Variants in AGFG1 observed in about 807,000 individuals in gnomAD.
AGFG1 encodes the protein ArfGAP with FG repeats 1.
AGFG1 carries 10 observed loss-of-function variants against 60.6 expected under a neutral mutation model. The observed-to-expected ratio is 0.16, with a 90% CI of 0.10 to 0.28. The LOEUF (loss-of-function observed/expected upper bound fraction) is 0.28. Among genes scored for constraint, AGFG1 ranks in the 10% least tolerant of loss-of-function variants. AGFG1 has a pLI of 1.00. For synonymous variants in AGFG1, 247 were observed against 242.9 expected, an observed-to-expected ratio of 1.02 and a Z score of -0.16; for missense variants, 537 against 676.5, an observed-to-expected ratio of 0.79 and a Z score of 2.29.
chr2:227,528,493 C>T (rs767456817), intron 5 of AGFG1, among the ~76,000 whole-genome samples: 4 of 152,040 alleles, frequency 2.6e-5, no homozygotes, highest in Non-Finnish European at 5.9e-5. Context: ...TCACCTCTTG[C>T]GTTTGAGTGC....
intron 2 of AGFG1, among the ~76,000 whole-genome samples, chr2:227,518,943 C>T (rs986464781): frequency 7.2e-5 from 11 of 152,136 alleles, no homozygotes; most frequent in South Asian, 2.1e-4. Flanking sequence ...GAGGCTGAGG[C>T]GGGCAGATCG....
chr2:227,522,251 G>A (rs1257467279), intron 3 of AGFG1, among the ~76,000 whole-genome samples: 1 of 152,148 alleles, frequency 6.6e-6, no homozygotes, highest in Non-Finnish European at 1.5e-5. Context: ...TAGAAGGTGG[G>A]TTGATAGTAA....
chr2:227,553,936 C>G (rs570215060), intron 12 of AGFG1, 141 bp downstream of exon 12: 59 of 614,488 alleles, frequency 9.6e-5, no homozygotes, highest in Non-Finnish European at 1.4e-4. Flanking sequence ...CAAATTGACA[C>G]AGAGCCATTA....
In AGFG1 at chr2:227,553,693, A is replaced by G. The variant is rs191646829; in HGVS notation, c.1538-11A>G. ...GGTATGGGTTATAATTGGTGGTTCT[A>G]TTTTAACAAGGTGCAGGTTTTGCAG... is the stretch of plus-strand genomic sequence containing the variant. On this transcript the variant is annotated splice_polypyrimidine_tract_variant and intron_variant, in intron 11 of 12. Coordinates refer to ENST00000310078, the MANE Select transcript of AGFG1 (RefSeq NM_004504.5). 406 of 1,612,218 alleles carry G rather than the reference A, an allele frequency of 2.5e-4. No individual in the cohort carries two copies. The highest frequency in any genetic ancestry group is 3.3e-4 in the Middle Eastern group (2 of 6,056).
At position 227,482,171 on chromosome 2, in the gene AGFG1, A is replaced by G. The variant is rs373179871; in HGVS notation, c.168-9376A>G. 1.8e-4 allele frequency among the ~76,000 whole-genome samples: 28 copies of G among 152,192 alleles called. No homozygotes were observed. In the East Asian group the frequency reaches 2.5e-3, roughly 14 times the overall value. Reference sequence around the variant, plus strand: ...TGAGCCACCGCACCCAGCCTTGTCCACTACTTTTAACTAGAATGCCTTAAT... The same window carrying G: ...TGAGCCACCGCACCCAGCCTTGTCCGCTACTTTTAACTAGAATGCCTTAAT... On this transcript the variant is annotated intron_variant, in intron 1 of 12. Coordinates refer to ENST00000310078, the MANE Select transcript of AGFG1 (RefSeq NM_004504.5).
intron 2 of AGFG1, among the ~76,000 whole-genome samples, chr2:227,518,608 C>T (rs1402936646): frequency 1.3e-5 from 2 of 150,820 alleles, no homozygotes; most frequent in East Asian, 2.0e-4. Context: ...ACTGCAACCT[C>T]CCCTTCCTGG....
At chr2:227,507,621 A>AAAAAAAGCGCCTT (rs1691363200) in intron 2 of AGFG1, among the ~76,000 whole-genome samples, 1 of 150,204 alleles carries the variant, frequency 6.7e-6, no homozygotes, top group Non-Finnish European at 1.5e-5. Flanking sequence ...AAAAAAAAAA[A>AAAAAAAGCGCCTT]AAAAAGCGCC....
At chr2:227,521,362 C>T (rs950279092) in intron 3 of AGFG1, among the ~76,000 whole-genome samples, 4 of 152,070 alleles carry the variant, frequency 2.6e-5, no homozygotes, top group Non-Finnish European at 4.4e-5. Context: ...CCACTGTGCC[C>T]GGCCTAAAAT....
At chr2:227,530,506 A>C (rs1175563404) in intron 5 of AGFG1, among the ~76,000 whole-genome samples, 2 of 152,092 alleles carry the variant, frequency 1.3e-5, no homozygotes, top group Admixed American at 6.6e-5. Flanking sequence ...CTTAAATTTT[A>C]ATGAGTTTAA....
chr2:227,477,116 C>T (rs1690306934), intron 1 of AGFG1, among the ~76,000 whole-genome samples: 1 of 151,994 alleles, frequency 6.6e-6, no homozygotes, highest in African/African-American at 2.4e-5. Flanking sequence ...TGGCCAGGCT[C>T]GTCTTAAACT....
In AGFG1 at chr2:227,477,684, C is replaced by T. The variant is rs1042869267; in HGVS notation, c.167+5096C>T. On this transcript the variant is annotated intron_variant, in intron 1 of 12. Transcript: ENST00000310078. ...GCAGTGGTGCGATCTCACCTCACTG[C>T]AACCTCCACCTCCCAGGTTCAAGCG... 3.3e-5 allele frequency among the ~76,000 whole-genome samples: 5 copies of T among 152,138 alleles called. No homozygotes were observed. In the South Asian group the frequency reaches 1.0e-3, roughly 32 times the overall value.
At position 227,555,426 on chromosome 2, in the gene AGFG1, A is replaced by G. The variant is rs1224951485; in HGVS notation, c.*931A>G. ...TGTGTATTTACAAATTTTTCTAAGT[A>G]TCTTGAATTCTCAGACTGCAAAAGG... On this transcript the variant is annotated 3_prime_UTR_variant, in exon 13 of 13. Transcript: ENST00000310078. 1.3e-5 allele frequency: 2 copies of G among 152,588 alleles called. No homozygotes were observed. The highest frequency in any genetic ancestry group is 2.9e-5 in the Non-Finnish European group (2 of 68,008). 9.5% of individuals were successfully genotyped at this position (152,588 alleles called of 1,614,324 possible).
intron 8 of AGFG1, 61 bp from the exon 9 acceptor site, chr2:227,536,564 A>C (rs1276664871): frequency 1.4e-6 from 2 of 1,443,554 alleles, no homozygotes; most frequent in Non-Finnish European, 1.9e-6. Context: ...GCTACCCTGT[A>C]AATCGTTACT....
At chr2:227,485,522 C>T (rs755749777) in intron 1 of AGFG1, among the ~76,000 whole-genome samples, 4 of 151,890 alleles carry the variant, frequency 2.6e-5, no homozygotes, top group Admixed American at 6.6e-5. Flanking sequence ...AGGTGTGAGC[C>T]ACCGCACCCA....
Position 227,476,901 on chromosome 2 carries a change from CTCTTT to C in AGFG1, c.167+4315_167+4319del, listed in dbSNP as rs1218131737. On this transcript the variant is annotated intron_variant, in intron 1 of 12. Transcript: ENST00000310078. The stretch of plus-strand genomic sequence containing the variant: ...AAAATATTTTATACTTTCTCTCTCT[CTCTTT>C]TTTTTTTTTTTTTGAGACATAGTCT... Among the ~76,000 whole-genome samples, 206 of 93,390 alleles carry C rather than the reference CTCTTT, an allele frequency of 2.2e-3. 1 individual carries two copies. The highest frequency in any genetic ancestry group is 8.6e-3 in the African/African-American group (197 of 22,782). 61.3% of individuals were successfully genotyped at this position (93,390 alleles called of 152,430 possible).
intron 6 of AGFG1, among the ~76,000 whole-genome samples, chr2:227,533,087 C>A (rs780361365): frequency 6.6e-6 from 1 of 152,080 alleles, no homozygotes. Flanking sequence ...TTTGGATCAC[C>A]GTAACACATT....
In AGFG1 at chr2:227,489,558, C is replaced by T. The variant is rs180702760; in HGVS notation, c.168-1989C>T. Among the ~76,000 whole-genome samples, 6 of 152,170 alleles carry T rather than the reference C, an allele frequency of 3.9e-5. No individual in the cohort carries two copies. The East Asian group carries it at 7.7e-4, about 20-fold the overall frequency. The stretch of plus-strand genomic sequence containing the variant: ...TTTTACCAGAATAAAATTTCGGTTA[C>T]TTAGTTCTTCTTGTTCAGCCTTTAT... On this transcript the variant is annotated intron_variant, in intron 1 of 12. Coordinates refer to ENST00000310078, the MANE Select transcript of AGFG1 (RefSeq NM_004504.5).
intron 10 of AGFG1, among the ~76,000 whole-genome samples, chr2:227,549,352 A>G (rs1261804064): frequency 6.6e-6 from 1 of 152,222 alleles, no homozygotes; most frequent in Non-Finnish European, 1.5e-5. Context: ...GTTAAACCGA[A>G]CAAACAAAAG....
At chr2:227,529,829 G>C (rs1172336473) in intron 5 of AGFG1, among the ~76,000 whole-genome samples, 1 of 151,430 alleles carries the variant, frequency 6.6e-6, no homozygotes, top group Non-Finnish European at 1.5e-5. Flanking sequence ...TAAAGGGGAT[G>C]TTCTAATCTG....
Sources: allele counts gnomAD v4.1 joint callset (sites outside exome capture counted in the v4.1 genomes callset), GRCh38; gene constraint gnomAD v4.1.1; transcripts MANE v1.5; gene names NCBI Gene and HGNC (gene_info 2026-07-23, HGNC 2026-07-21).